SLC25A36: variants seen among roughly 807,000 people sequenced by gnomAD.
The protein encoded by SLC25A36 is epididymis secretory sperm binding protein.
Under a neutral mutation model 35.3 loss-of-function variants are expected in SLC25A36, and 24 were observed. The observed-to-expected ratio is 0.68, with a 90% CI of 0.49 to 0.96. SLC25A36 has a LOEUF of 0.96. Among genes scored for constraint, SLC25A36 ranks in the 40% least tolerant of loss-of-function variants. SLC25A36 has a pLI of 0.00. For missense variants in SLC25A36, 294 were observed against 381.1 expected (o/e 0.77, Z 1.90); for synonymous variants, 141 against 132.2 (o/e 1.07, Z -0.46).
In SLC25A36 at chr3:140,973,822, A is replaced by G; in HGVS notation, c.559A>G (p.Ile187Val). 1 of 1,613,556 alleles carries G rather than the reference A, an allele frequency of 6.2e-7. No individual in the cohort carries two copies. Among genetic ancestry groups the G allele is most frequent in the Non-Finnish European group, 8.5e-7 (1 of 1,179,728 alleles). The change falls in exon 6 of 7, where the codon ATA becomes GTA. Residue 187 changes from isoleucine to valine, a missense_variant. Around this residue, in one of 2 missense-constraint regions of SLC25A36, gnomAD observed 109 missense variants for 179.7 expected, o/e 0.61. Transcript: ENST00000324194. Reference sequence around the variant, plus strand: ...GGGCATGTCTGCTTCATATGCTGGTATATCAGAGACTGTTATCCATTTTGT... The same window carrying G: ...GGGCATGTCTGCTTCATATGCTGGTGTATCAGAGACTGTTATCCATTTTGT... ...YRGMSASYAGISETVIHFVIY... is the reference protein window; with the variant it reads ...YRGMSASYAGVSETVIHFVIY...
chr3:140,944,639 G>A (rs1934114343), intron 1 of SLC25A36, among the ~76,000 whole-genome samples: 1 of 152,092 alleles, frequency 6.6e-6, no homozygotes, highest in African/African-American at 2.4e-5. Context: ...TTTTCTATTT[G>A]AGGGAGATAT....
At chr3:140,950,942 A>G (rs1245895005) in intron 1 of SLC25A36, among the ~76,000 whole-genome samples, 7 of 118,202 alleles carry the variant, frequency 5.9e-5, no homozygotes, top group African/African-American at 2.4e-4. Flanking sequence ...GTGTGTGTGT[A>G]AGGCATAGAG....
chr3:140,977,635 A>T lies in SLC25A36; in HGVS notation c.*1182A>T, dbSNP rs1373654625. On this transcript the variant is annotated 3_prime_UTR_variant, in exon 7 of 7. Coordinates refer to ENST00000324194, the MANE Select transcript of SLC25A36 (RefSeq NM_001104647.3). The stretch of plus-strand genomic sequence containing the variant: ...CATTTGGGTTAAATGTGCTAATAGG[A>T]TGTAGCTTTTAAATTCTGCTATTGA... 6.6e-6 allele frequency: 1 copy of T among 152,156 alleles called. No individual in the cohort carries two copies. Among genetic ancestry groups the T allele is most frequent in the African/African-American group, 2.4e-5 (1 of 41,442 alleles). The allele number at this position is 152,156 out of a possible 1,614,324, so 9.4% of individuals were successfully genotyped here. A position where few individuals can be genotyped will look rare whatever the true frequency, so the allele number is the denominator to read the frequency against.
At chr3:140,969,756 A>G (rs904146073) in intron 4 of SLC25A36, among the ~76,000 whole-genome samples, 12 of 151,888 alleles carry the variant, frequency 7.9e-5, no homozygotes, top group African/African-American at 2.4e-4. Flanking sequence ...TACTATATTA[A>G]TTTAAAAACA....
At chr3:140,962,539 G>A (rs749573818) in intron 3 of SLC25A36, among the ~76,000 whole-genome samples, 1 of 152,172 alleles carries the variant, frequency 6.6e-6, no homozygotes, top group Non-Finnish European at 1.5e-5. Flanking sequence ...TAAGGATAAT[G>A]TGAATTACTG....
chr3:140,955,069 A>AT (rs1282329806), intron 1 of SLC25A36, among the ~76,000 whole-genome samples: 1 of 151,808 alleles, frequency 6.6e-6, no homozygotes, highest in African/African-American at 2.4e-5. Flanking sequence ...AATGTTCTTT[A>AT]TTTTTTAATA....
Position 140,970,949 on chromosome 3 carries a change from C to A in SLC25A36, c.408C>A (p.Thr136=), listed in dbSNP as rs1179705589. 1.3e-6 allele frequency: 2 copies of A among 1,528,694 alleles called. No individual in the cohort carries two copies. Among genetic ancestry groups the A allele is most frequent in the East Asian group, 2.3e-5 (1 of 44,298 alleles). The allele number at this position is 1,528,694 out of a possible 1,614,324, so 94.7% of individuals were successfully genotyped here. ...TAGGTTTTACTGCAATCACAGCAAC[C>A]AACCCCATTTGGCTTATAAAGACTC... The part of the protein sequence containing the change: ...AMAGFTAITA[T]NPIWLIKTRL... The change falls in exon 5 of 7, where the codon ACC becomes ACA. Residue 136 remains threonine, a synonymous_variant. Coordinates refer to ENST00000324194, the MANE Select transcript of SLC25A36 (RefSeq NM_001104647.3).
chr3:140,947,186 T>C (rs1259456113), intron 1 of SLC25A36, among the ~76,000 whole-genome samples: 1 of 152,190 alleles, frequency 6.6e-6, no homozygotes, highest in Non-Finnish European at 1.5e-5. Context: ...CTGAATTTAA[T>C]TGAGGAACTT....
chr3:140,950,584 GT>G (rs1379791583), intron 1 of SLC25A36, among the ~76,000 whole-genome samples: 1 of 152,128 alleles, frequency 6.6e-6, no homozygotes, highest in African/African-American at 2.4e-5. Flanking sequence ...TAAGAAAAGG[GT>G]ATACAGTAGG....
chr3:140,960,907 G>A (rs967625185), intron 3 of SLC25A36, among the ~76,000 whole-genome samples: 15 of 152,164 alleles, frequency 9.9e-5, no homozygotes, highest in African/African-American at 3.4e-4. Context: ...TTGGCTTATG[G>A]GACAAACCAA....
At chr3:140,961,787 C>T (rs929115351) in intron 3 of SLC25A36, among the ~76,000 whole-genome samples, 3 of 128,802 alleles carry the variant, frequency 2.3e-5, no homozygotes, top group African/African-American at 5.9e-5. Flanking sequence ...ACCCGGGAGG[C>T]GGAGCTTGCA....
intron 5 of SLC25A36, chr3:140,973,339 C>T (rs1934954002): frequency 6.5e-6 from 1 of 154,140 alleles, no homozygotes; most frequent in Non-Finnish European, 1.4e-5. Context: ...ATTCAGCTTA[C>T]TTAGAACTGG....
chr3:140,945,834 T>C (rs1272048317), intron 1 of SLC25A36, among the ~76,000 whole-genome samples: 2 of 152,064 alleles, frequency 1.3e-5, no homozygotes, highest in Non-Finnish European at 2.9e-5. Context: ...TACCTCTATA[T>C]TTAATATTTT....
rs967593383 is a variant in SLC25A36 at position 140,980,285 on chromosome 3, A to G, written c.*3832A>G. 2.6e-5 allele frequency among the ~76,000 whole-genome samples: 4 copies of G among 152,242 alleles called. No homozygotes were observed. Among genetic ancestry groups the G allele is most frequent in the African/African-American group, 9.6e-5 (4 of 41,464 alleles). On this transcript the variant is annotated 3_prime_UTR_variant, in exon 7 of 7. Coordinates refer to ENST00000324194, the MANE Select transcript of SLC25A36 (RefSeq NM_001104647.3). ...AGGTGAGAACTTGTTAGAATAACCA[A>G]ATGAATCCACATAATGTTAGATCAA... is the stretch of plus-strand genomic sequence containing the variant.
rs562077990 is a variant in SLC25A36 at position 140,980,921 on chromosome 3, T to C, written c.*4468T>C. Among the ~76,000 whole-genome samples the C allele has an allele frequency of 9.9e-5, 15 of 152,182 alleles. No individual in the cohort carries two copies. Among genetic ancestry groups the C allele is most frequent in the Non-Finnish European group, 5.9e-5 (4 of 68,038 alleles). On this transcript the variant is annotated 3_prime_UTR_variant, in exon 7 of 7. Coordinates refer to ENST00000324194, the MANE Select transcript of SLC25A36 (RefSeq NM_001104647.3). ...ATTTATGTTCATAGAGTGCTGTGTTTATACAGTGGTGTCATGTGATTTCTT... is the reference window on the plus strand; with the variant it reads ...ATTTATGTTCATAGAGTGCTGTGTTCATACAGTGGTGTCATGTGATTTCTT...
At chr3:140,959,617 A>G (rs1488286291) in intron 3 of SLC25A36, 77 bp downstream of exon 3, 2 of 590,262 alleles carry the variant, frequency 3.4e-6, no homozygotes, top group East Asian at 3.5e-5. Flanking sequence ...TTAATCATTT[A>G]TAGATACAGT....
At chr3:140,953,139 A>G (rs950196453) in intron 1 of SLC25A36, among the ~76,000 whole-genome samples, 3 of 152,120 alleles carry the variant, frequency 2.0e-5, no homozygotes, top group Non-Finnish European at 4.4e-5. Flanking sequence ...TGTGATGATG[A>G]CTCATGTCTT....
At chr3:140,953,081 C>A (rs1205923826) in intron 1 of SLC25A36, among the ~76,000 whole-genome samples, 4 of 152,140 alleles carry the variant, frequency 2.6e-5, no homozygotes, top group Admixed American at 1.3e-4. Flanking sequence ...TATGGACTAA[C>A]CCACAGGTTC....
intron 1 of SLC25A36, among the ~76,000 whole-genome samples, chr3:140,947,953 T>C (rs1377665917): frequency 6.6e-6 from 1 of 152,192 alleles, no homozygotes; most frequent in East Asian, 1.9e-4. Context: ...GTGGTTTTTT[T>C]AATTATTATT....
Sources: allele counts gnomAD v4.1 joint callset (sites outside exome capture counted in the v4.1 genomes callset), GRCh38; gene constraint gnomAD v4.1.1; regional missense constraint gnomAD v4.1.1; transcripts MANE v1.5; gene names NCBI Gene and HGNC (gene_info 2026-07-23, HGNC 2026-07-21).